MGAT5B: variants seen among roughly 807,000 people sequenced by gnomAD.
MGAT5B encodes N-acetylglucosaminyl-transferase Vb.
In MGAT5B, 54 loss-of-function variants were observed where a neutral mutation model predicts 95.1. The observed-to-expected ratio is 0.57, with a 90% CI of 0.46 to 0.71. The LOEUF (loss-of-function observed/expected upper bound fraction) is 0.71. MGAT5B is among the 30% of genes least tolerant of loss of function. The probability of loss-of-function intolerance (pLI) is 0.00; values close to 1 mark genes in which losing one functional copy is unlikely to be tolerated. For synonymous variants in MGAT5B, 464 were observed against 451.0 expected (o/e 1.03, Z -0.36); for missense variants, 935 against 1,088.6 (o/e 0.86, Z 1.99).
rs1226370340 is a variant in MGAT5B, at chr17:76,905,995, C to T, written c.856-23C>T. 1.3e-6 allele frequency: 2 copies of T among 1,580,368 alleles called. No individual in the cohort carries two copies. The highest frequency in any genetic ancestry group is 2.8e-5 in the African/African-American group (2 of 72,212). On this transcript the variant is annotated intron_variant, in intron 7 of 17. Coordinates refer to ENST00000569840, the MANE Select transcript of MGAT5B (RefSeq NM_001199172.2). The surrounding 1 kb of genome is among the most constrained non-coding windows in gnomAD (Gnocchi z 4.2). ...CAGAGCTGCTGCTCCTCTCTGCTGA[C>T]CCTCTGTGTTCCGCCCACCCAGATC...
At chr17:76,902,164 G>A (rs1968336695) in intron 3 of MGAT5B, among the ~76,000 whole-genome samples, 1 of 152,196 alleles carries the variant, frequency 6.6e-6, no homozygotes, top group Non-Finnish European at 1.5e-5. Context: ...GTGGGCACAC[G>A]TGCAGTTGTG....
At chr17:76,902,450 C>A (rs1214480885) in intron 3 of MGAT5B, 105 bp from the exon 4 acceptor site, 1 of 752,208 alleles carries the variant, frequency 1.3e-6, no homozygotes. Context: ...GAGCCTGGGG[C>A]ATTGCAGAGC....
chr17:76,931,072 C>T (rs1342575585), intron 10 of MGAT5B, among the ~76,000 whole-genome samples: 2 of 152,202 alleles, frequency 1.3e-5, no homozygotes, highest in African/African-American at 4.8e-5. Context: ...GAACCATTGT[C>T]CACAAGGTGC....
intron 2 of MGAT5B, among the ~76,000 whole-genome samples, chr17:76,878,002 C>T (rs1389020356): frequency 6.6e-6 from 1 of 152,110 alleles, no homozygotes; most frequent in Non-Finnish European, 1.5e-5. Flanking sequence ...GAACGTGTGC[C>T]TGTTCTGAGT....
chr17:76,933,352 C>A, intron 12 of MGAT5B, 55 bp downstream of exon 12: 1 of 1,594,936 alleles, frequency 6.3e-7, no homozygotes, highest in Non-Finnish European at 8.5e-7. Context: ...TTCCCCTCTC[C>A]AGCAGCCACT....
At position 76,947,763 on chromosome 17, in the gene MGAT5B, C is replaced by G. The variant is rs1323927114; in HGVS notation, c.1924-67C>G. The G allele has an allele frequency of 3.4e-6, 5 of 1,486,154 alleles. No homozygotes were observed. The Admixed American group carries it at 1.2e-4, about 37-fold the overall frequency. 92.1% of individuals were successfully genotyped at this position (1,486,154 alleles called of 1,614,324 possible). ...TCGTACTGGCACGGCAGGGCCACAC[C>G]TTCAGGTGTCTCCCAGGCACACCTG... On this transcript the variant is annotated intron_variant, in intron 16 of 17. Transcript: ENST00000569840.
In MGAT5B at chr17:76,915,851, C is replaced by T. The variant is rs1012617582; in HGVS notation, c.1026-9115C>T. Among the ~76,000 whole-genome samples, 5 of 152,162 alleles carry T rather than the reference C, an allele frequency of 3.3e-5. No individual in the cohort carries two copies. The highest frequency in any genetic ancestry group is 2.1e-4 in the South Asian group (1 of 4,820). On this transcript the variant is annotated intron_variant, in intron 8 of 17. Transcript: ENST00000569840. The surrounding 1 kb of genome is among the most constrained non-coding windows in gnomAD (Gnocchi z 8.7). ...GAGGCATTTTAACCTCCTGGCTGAG[C>T]GGGGAGCGAGCGCAGGAGCACACAT...
intron 6 of MGAT5B, among the ~76,000 whole-genome samples, chr17:76,904,851 C>A (rs2145192379): frequency 6.6e-6 from 1 of 152,292 alleles, no homozygotes; most frequent in Non-Finnish European, 1.5e-5. Context: ...CCACGTCTGT[C>A]CCCTGCCATC....
In MGAT5B at chr17:76,897,926, C is replaced by T. The variant is rs139695838; in HGVS notation, c.330-4629C>T. 1.7e-3 allele frequency among the ~76,000 whole-genome samples: 254 copies of T among 151,586 alleles called. 1 individual carries two copies. Among genetic ancestry groups the T allele is most frequent in the African/African-American group, 5.7e-3 (236 of 41,354 alleles). On this transcript the variant is annotated intron_variant, in intron 3 of 17. Transcript: ENST00000569840. ...CAAAAATTAGCCAGGCATGGTGGCA[C>T]ATGCCTGTAATCCCAGCTACTCGGG...
rs563935013 is a variant in MGAT5B, at chr17:76,908,416, G to A, written c.1025+2229G>A. ...TGAGTAGCTGGGATTACAGGTGTAC[G>A]CTACTACGCCTGGCTAATTTCTGTA... On this transcript the variant is annotated intron_variant, in intron 8 of 17. Transcript: ENST00000569840. 7.3e-5 allele frequency among the ~76,000 whole-genome samples: 11 copies of A among 151,720 alleles called. No homozygotes were observed. In the South Asian group the frequency reaches 1.5e-3, roughly 20 times the overall value.
chr17:76,948,608 G>T, intron 17 of MGAT5B, 32 bp from the exon 18 acceptor site: 1 of 1,591,204 alleles, frequency 6.3e-7, no homozygotes, highest in Non-Finnish European at 8.6e-7. Flanking sequence ...AGTGACCAAC[G>T]CTGAGTGACG....
At chr17:76,899,986 C>T (rs997842894) in intron 3 of MGAT5B, among the ~76,000 whole-genome samples, 5 of 152,196 alleles carry the variant, frequency 3.3e-5, no homozygotes, top group African/African-American at 7.2e-5. Context: ...GTGCTGATCA[C>T]GAATGCAAAC....
At chr17:76,929,197 T>C (rs1969408771) in intron 10 of MGAT5B, among the ~76,000 whole-genome samples, 1 of 152,194 alleles carries the variant, frequency 6.6e-6, no homozygotes, top group African/African-American at 2.4e-5. Context: ...TGTATTATCC[T>C]GTCGGACTGC....
intron 2 of MGAT5B, among the ~76,000 whole-genome samples, chr17:76,876,283 G>A (rs1209207848): frequency 6.6e-6 from 1 of 152,094 alleles, no homozygotes; most frequent in African/African-American, 2.4e-5. Flanking sequence ...GGCTTCACGG[G>A]GAGGTGCTTG....
At position 76,912,719 on chromosome 17, in the gene MGAT5B, G is replaced by A. The variant is rs528207882; in HGVS notation, c.1025+6532G>A. On this transcript the variant is annotated intron_variant, in intron 8 of 17. Coordinates refer to ENST00000569840, the MANE Select transcript of MGAT5B (RefSeq NM_001199172.2). The surrounding 1 kb of genome is among the most constrained non-coding windows in gnomAD (Gnocchi z 5.0). The stretch of plus-strand genomic sequence containing the variant: ...GGCTTTGCTGCTGCAAGATGCTTCC[G>A]GGGTGAGGGAGGTGGCACGAGGGAG... Among the ~76,000 whole-genome samples, 6 of 152,238 alleles carry A rather than the reference G, an allele frequency of 3.9e-5. No homozygotes were observed. Among genetic ancestry groups the A allele is most frequent in the Non-Finnish European group, 7.4e-5 (5 of 68,008 alleles).
intron 5 of MGAT5B, 115 bp from the exon 6 acceptor site, chr17:76,904,137 G>A (rs1182060259): frequency 9.6e-7 from 1 of 1,045,468 alleles, no homozygotes; most frequent in Admixed American, 2.6e-5. Flanking sequence ...TCAGTAGGGT[G>A]GGCCACATGG....
rs1192602852 is a variant in MGAT5B, at chr17:76,870,729, G to A, written c.68+1632G>A. Reference sequence around the variant, plus strand: ...TGCCCGGAGACCCGCAGCCATCAGTGAGTCCCTTCAGTTGAGGTGGGGGGC... The same window carrying A: ...TGCCCGGAGACCCGCAGCCATCAGTAAGTCCCTTCAGTTGAGGTGGGGGGC... On this transcript the variant is annotated intron_variant, in intron 1 of 17. Coordinates refer to ENST00000569840, the MANE Select transcript of MGAT5B (RefSeq NM_001199172.2). This position sits in a 1 kb window ranked among gnomAD's most constrained non-coding sequence, Gnocchi z 5.0. Among the ~76,000 whole-genome samples, 1 of 152,050 alleles carries A rather than the reference G, an allele frequency of 6.6e-6. No homozygotes were observed. Among genetic ancestry groups the A allele is most frequent in the Non-Finnish European group, 1.5e-5 (1 of 67,990 alleles).
Position 76,926,593 on chromosome 17 carries a change from G to T in MGAT5B, c.1158-4G>T, listed in dbSNP as rs376735735. On this transcript the variant is annotated splice_polypyrimidine_tract_variant and splice_region_variant and intron_variant, in intron 9 of 17. Transcript: ENST00000569840. The stretch of plus-strand genomic sequence containing the variant: ...CCCTGGTTCCTGGTCCCCTGGGGGG[G>T]CAGGTGCCGAATCAGGGTCATCGAC... 1 of 1,607,714 alleles carries T rather than the reference G, an allele frequency of 6.2e-7. No individual in the cohort carries two copies. The highest frequency in any genetic ancestry group is 1.1e-5 in the South Asian group (1 of 90,652).
intron 3 of MGAT5B, among the ~76,000 whole-genome samples, chr17:76,885,337 T>C (rs755911767): frequency 6.6e-6 from 1 of 152,212 alleles, no homozygotes; most frequent in African/African-American, 2.4e-5. Context: ...CCTGTCTGCC[T>C]CCAGCGGTGC....
Sources: gnomAD v4.1 joint callset for allele counts (sites outside exome capture counted in the v4.1 genomes callset) on GRCh38, gnomAD v4.1.1 for gene constraint, Gnocchi (gnomAD v3.1) non-coding constraint, MANE v1.5 for transcripts, NCBI Gene and HGNC (gene_info 2026-07-23, HGNC 2026-07-21) for gene names.